PALB2: variants seen among roughly 807,000 people sequenced by gnomAD.
PALB2 encodes the protein mutant partner and localizer of BRCA2.
A neutral mutation model predicts 107.4 loss-of-function variants in PALB2; 82 were observed. The ratio of observed to expected loss-of-function variants is 0.76; its 90% CI spans 0.64 to 0.92. The LOEUF (loss-of-function observed/expected upper bound fraction) is 0.92. Among genes scored for constraint, PALB2 ranks in the 40% least tolerant of loss-of-function variants. The probability of loss-of-function intolerance (pLI) is 0.00; values close to 1 mark genes in which losing one functional copy is unlikely to be tolerated. For missense variants in PALB2, 1,374 were observed against 1,379.9 expected (o/e 1.00, Z 0.07); for synonymous variants, 489 against 496.8 (o/e 0.98, Z 0.21).
intron 12 of PALB2, among the ~76,000 whole-genome samples, chr16:23,605,243 G>T (rs1002128863): frequency 6.6e-6 from 1 of 152,004 alleles, no homozygotes; most frequent in African/African-American, 2.4e-5. Context: ...ACTCCCTAAG[G>T]TTTTCTTTGA....
At chr16:23,629,414 T>C in intron 5 of PALB2, 139 bp from the exon 6 acceptor site, 3 of 923,732 alleles carry the variant, frequency 3.2e-6, no homozygotes, top group Non-Finnish European at 3.4e-6. Flanking sequence ...GCAAACTGTT[T>C]CACTGATAAC....
chr16:23,606,584 G>A (rs1485076754), intron 12 of PALB2, among the ~76,000 whole-genome samples: 1 of 152,150 alleles, frequency 6.6e-6, no homozygotes. Flanking sequence ...GCAGTGCAGT[G>A]GTACAATCTC....
intron 11 of PALB2, among the ~76,000 whole-genome samples, chr16:23,612,813 T>C (rs1169457983): frequency 6.6e-6 from 1 of 151,654 alleles, no homozygotes; most frequent in African/African-American, 2.4e-5. Flanking sequence ...AGTGCAATCG[T>C]GCAATCTCGG....
rs1060502758 is a variant in PALB2, at chr16:23,635,462, G to C, written c.1084C>G (p.Leu362Val). 1 of 1,614,098 alleles carries C rather than the reference G, an allele frequency of 6.2e-7. No homozygotes were observed. The highest frequency in any genetic ancestry group is 8.5e-7 in the Non-Finnish European group (1 of 1,180,000). ...TGAAGATTTTCATTCCTGCCATCAAGAGTGTCACTGGGAGATTTTAAAGAT... is the reference window on the plus strand; with the variant it reads ...TGAAGATTTTCATTCCTGCCATCAACAGTGTCACTGGGAGATTTTAAAGAT... ...EKSLKSPSDT[L>V]DGRNENLQES... is the part of the protein sequence containing the mutation. Residue 362 changes from leucine (L) to valine (V), a missense_variant, in exon 4 of 13, where the codon CTT (leucine) becomes GTT (valine). Coordinates refer to ENST00000261584, the MANE Select transcript of PALB2 (RefSeq NM_024675.4).
At chr16:23,606,428 T>C (rs1467984263) in intron 12 of PALB2, among the ~76,000 whole-genome samples, 2 of 151,984 alleles carry the variant, frequency 1.3e-5, no homozygotes, top group African/African-American at 2.4e-5. Flanking sequence ...GCTAAGTGCA[T>C]AGGGATAGAG....
At chr16:23,634,027 C>A (rs249942) in intron 4 of PALB2, among the ~76,000 whole-genome samples, 11,261 of 152,152 alleles carry the variant, frequency 0.074, 483 homozygotes, top group East Asian at 0.17. Context: ...TCCTCTAGTA[C>A]ACATTCCATT....
intron 1 of PALB2, chr16:23,640,821 T>C (rs1466913793): frequency 8.0e-6 from 3 of 373,938 alleles, no homozygotes; most frequent in East Asian, 4.2e-5. Context: ...AAGTAAAGAT[T>C]GAGGGTGTGG....
At chr16:23,610,825 CA>C (rs1158343630) in intron 11 of PALB2, among the ~76,000 whole-genome samples, 5 of 151,750 alleles carry the variant, frequency 3.3e-5, no homozygotes, top group Admixed American at 3.3e-4. Context: ...ATCACAAAGT[CA>C]GGAGCTCAAG....
At chr16:23,629,151 T>G in intron 6 of PALB2, 53 bp downstream of exon 6, 1 of 1,394,778 alleles carries the variant, frequency 7.2e-7, no homozygotes, top group South Asian at 1.2e-5. Context: ...TTTCAGTTCA[T>G]TAAAGTTTTC....
intron 10 of PALB2, among the ~76,000 whole-genome samples, chr16:23,619,574 C>T (rs1276321569): frequency 6.6e-6 from 1 of 151,860 alleles, no homozygotes; most frequent in Non-Finnish European, 1.5e-5. Context: ...TTTTTGTATA[C>T]TGAGTAACTT....
At chr16:23,621,215 A>C in intron 10 of PALB2, 147 bp downstream of exon 10, 6 of 684,566 alleles carry the variant, frequency 8.8e-6, no homozygotes, top group South Asian at 6.3e-5. Flanking sequence ...GTCTCAAAAC[A>C]CAACAAAAAC....
chr16:23,638,151 C>A (rs1967113989), intron 1 of PALB2, 22 bp from the exon 2 acceptor site: 1 of 1,601,374 alleles, frequency 6.2e-7, no homozygotes, highest in South Asian at 1.1e-5. Flanking sequence ...AAAACACCAA[C>A]AATACTGGGC....
At chr16:23,614,167 C>T (rs2081848820) in intron 10 of PALB2, 76 bp from the exon 11 acceptor site, 2 of 1,064,870 alleles carry the variant, frequency 1.9e-6, no homozygotes, top group African/African-American at 3.1e-5. Flanking sequence ...TCTTATTCAT[C>T]ATAGCATGTC....
chr16:23,623,470 G>A, intron 8 of PALB2, among the ~76,000 whole-genome samples: 1 of 148,272 alleles, frequency 6.7e-6, no homozygotes, highest in South Asian at 2.2e-4. Context: ...CCAAAGTGCT[G>A]GGATTACAGG....
Position 23,629,888 on chromosome 16 carries a change from A to G in PALB2, c.2266T>C (p.Cys756Arg), listed in dbSNP as rs1064795052. Reference protein sequence around the residue: ...ASTEVAGRTCCTPQLAHLKDS... With the variant: ...ASTEVAGRTCRTPQLAHLKDS... ...TTCAAATGAGCAAGTTGGGGTGTGC[A>G]GCAAGTTCGTCCAGCAACTTCTGTA... Residue 756 changes from cysteine to arginine, a missense_variant, in exon 5 of 13, where the codon TGC (cysteine) becomes CGC (arginine). Transcript: ENST00000261584. 2 of 1,614,212 alleles carry G rather than the reference A, an allele frequency of 1.2e-6. No homozygotes were observed. Among genetic ancestry groups the G allele is most frequent in the South Asian group, 1.1e-5 (1 of 91,088 alleles).
intron 11 of PALB2, among the ~76,000 whole-genome samples, chr16:23,608,801 T>TATATACACACAC (rs560756242): frequency 7.0e-6 from 1 of 143,762 alleles, no homozygotes; most frequent in Non-Finnish European, 1.5e-5. Flanking sequence ...TGTATATATA[T>TATATACACACAC]ACACACACAC....
intron 4 of PALB2, among the ~76,000 whole-genome samples, chr16:23,632,897 C>T (rs1597093494): frequency 6.6e-6 from 1 of 152,122 alleles, no homozygotes; most frequent in Non-Finnish European, 1.5e-5. Flanking sequence ...AGATAGAGAC[C>T]AGCCTGGCCA....
intron 9 of PALB2, among the ~76,000 whole-genome samples, chr16:23,621,718 T>A (rs1436344951): frequency 6.6e-6 from 1 of 152,220 alleles, no homozygotes; most frequent in Admixed American, 6.5e-5. Context: ...TTGTTAACTT[T>A]TTCTATAAAC....
rs767830005 is a variant in PALB2 at position 23,603,641 on chromosome 16, A to G, written c.3379T>C (p.Cys1127Arg). The G allele has an allele frequency of 5.0e-6, 8 of 1,614,004 alleles. No homozygotes were observed. In the East Asian group the frequency reaches 1.3e-4, roughly 27 times the overall value. The change falls in exon 13 of 13, where the codon TGT becomes CGT. Residue 1127 changes from cysteine (C) to arginine (R), a missense_variant. Transcript: ENST00000261584. ...RFLEGDVKDH[C>R]AAAILTSGTI... ...CCAGAAGTCAAGATTGCTGCTGCAC[A>G]GTGATCTTTCACGTCACCTTCCAGG... is the stretch of plus-strand genomic sequence containing the variant.
Sources: allele counts gnomAD v4.1 joint callset (sites outside exome capture counted in the v4.1 genomes callset), GRCh38; gene constraint gnomAD v4.1.1; transcripts MANE v1.5; gene names NCBI Gene and HGNC (gene_info 2026-07-23, HGNC 2026-07-21).